The following CNTNAP4 variants were observed in gnomAD, a reference collection of about 807,000 sequenced individuals.
CNTNAP4 encodes the protein contactin-associated protein-like 4.
A neutral mutation model predicts 148.4 loss-of-function variants in CNTNAP4; 98 were observed. The ratio of observed to expected loss-of-function variants is 0.66; its 90% CI spans 0.56 to 0.78. The LOEUF is 0.78. CNTNAP4 is among the 30% of genes least tolerant of loss of function. CNTNAP4 has a pLI of 0.00. For synonymous variants in CNTNAP4, 730 were observed against 565.1 expected (o/e 1.29, Z -4.14); for missense variants, 1,935 against 1,565.6 (o/e 1.24, Z -3.98).
chr16:76,302,239 A>G (rs1285751490), intron 1 of CNTNAP4, among the ~76,000 whole-genome samples: 2 of 152,198 alleles, frequency 1.3e-5, no homozygotes, highest in Admixed American at 1.3e-4. Context: ...AAGCAGGGCA[A>G]GTAGATCTGA....
chr16:76,316,428 C>G lies in CNTNAP4; in HGVS notation c.101C>G (p.Pro34Arg), dbSNP rs750448598. The change falls in exon 2 of 24, where the codon CCT (proline) becomes CGT (arginine). Residue 34 changes from proline (P) to arginine (R), a missense_variant. Coordinates refer to ENST00000611870, the MANE Select transcript of CNTNAP4 (RefSeq NM_033401.5). ...EAGNSYDCDD[P>R]LVSALPQASF... ...CTCCTGGCAGATGACTGTGATGATC[C>G]TCTTGTGTCTGCCTTGCCTCAGGCA... 4.3e-6 allele frequency: 7 copies of G among 1,613,388 alleles called. No individual in the cohort carries two copies. Among genetic ancestry groups the G allele is most frequent in the Admixed American group, 1.7e-5 (1 of 59,978 alleles).
At chr16:76,528,680 T>A (rs1355746069) in intron 17 of CNTNAP4, among the ~76,000 whole-genome samples, 3 of 152,224 alleles carry the variant, frequency 2.0e-5, no homozygotes, top group Non-Finnish European at 2.9e-5. Context: ...AAGCCGGTCA[T>A]AAAGTGTGTT....
chr16:76,482,280 T>C (rs562133832), intron 12 of CNTNAP4, among the ~76,000 whole-genome samples: 149 of 152,272 alleles, frequency 9.8e-4, no homozygotes, highest in African/African-American at 3.5e-3. Context: ...TGTTAGATTT[T>C]TCTCTTTGCA....
chr16:76,359,298 A>G (rs1445075522), intron 3 of CNTNAP4, among the ~76,000 whole-genome samples: 1 of 152,230 alleles, frequency 6.6e-6, no homozygotes, highest in Non-Finnish European at 1.5e-5. Context: ...TAAGTCTACG[A>G]AAGAGAGTTA....
chr16:76,449,856 A>G lies in CNTNAP4; in HGVS notation c.1069A>G (p.Met357Val). Residue 357 changes from methionine (M) to valine (V), a missense_variant and splice_region_variant, in exon 7 of 24, where the codon ATG becomes GTG. Coordinates refer to ENST00000611870, the MANE Select transcript of CNTNAP4 (RefSeq NM_033401.5). ...GCAGCAAAAACCACAGATCATTGCT[A>G]TGGTGAGAGTCTTTATGCGAAGACA... is the stretch of plus-strand genomic sequence containing the variant. ...AKQQKPQIIA[M>V]GNVSFSCSQP... is the part of the protein sequence containing the mutation. 2 of 1,605,198 alleles carry G rather than the reference A, an allele frequency of 1.2e-6. No homozygotes were observed. Among genetic ancestry groups the G allele is most frequent in the South Asian group, 2.3e-5 (2 of 88,584 alleles).
chr16:76,480,781 G>A (rs941788932), intron 12 of CNTNAP4, among the ~76,000 whole-genome samples: 1 of 152,132 alleles, frequency 6.6e-6, no homozygotes, highest in African/African-American at 2.4e-5. Flanking sequence ...ACTCAATATT[G>A]TATAATATCA....
chr16:76,371,637 G>T (rs998708875), intron 3 of CNTNAP4, among the ~76,000 whole-genome samples: 1 of 152,164 alleles, frequency 6.6e-6, no homozygotes, highest in African/African-American at 2.4e-5. Context: ...GCAAAGGAAA[G>T]CACATTACTA....
At chr16:76,500,130 G>T (rs2082569591) in intron 15 of CNTNAP4, among the ~76,000 whole-genome samples, 1 of 152,144 alleles carries the variant, frequency 6.6e-6, no homozygotes, top group Non-Finnish European at 1.5e-5. Flanking sequence ...CCCAGACGGG[G>T]CGGCTGGGCA....
At chr16:76,513,902 A>G (rs190014895) in intron 15 of CNTNAP4, among the ~76,000 whole-genome samples, 2 of 152,296 alleles carry the variant, frequency 1.3e-5, no homozygotes, top group Admixed American at 6.5e-5. Flanking sequence ...GCACTTAATT[A>G]TTTTGTGTTG....
intron 3 of CNTNAP4, among the ~76,000 whole-genome samples, chr16:76,378,957 C>G (rs1042226603): frequency 1.3e-5 from 2 of 152,180 alleles, no homozygotes; most frequent in Admixed American, 1.3e-4. Flanking sequence ...ACTTCTACAA[C>G]TCACTTGATT....
intron 8 of CNTNAP4, among the ~76,000 whole-genome samples, chr16:76,458,440 A>G (rs1288285882): frequency 1.3e-5 from 2 of 152,162 alleles, no homozygotes; most frequent in Admixed American, 1.3e-4. Context: ...TGAAATAATT[A>G]TACAACTCAT....
chr16:76,525,527 A>C (rs1188980874), intron 17 of CNTNAP4, among the ~76,000 whole-genome samples: 1 of 147,660 alleles, frequency 6.8e-6, no homozygotes, highest in Non-Finnish European at 1.5e-5. Flanking sequence ...ACATAGTTAT[A>C]TATTTCAGTG....
At chr16:76,540,446 A>G (rs1420574625) in intron 20 of CNTNAP4, among the ~76,000 whole-genome samples, 1 of 151,982 alleles carries the variant, frequency 6.6e-6, no homozygotes, top group African/African-American at 2.4e-5. Context: ...ACAAGGGGAT[A>G]GAAGGTAGGG....
chr16:76,353,093 A>T (rs2012055663), intron 2 of CNTNAP4, among the ~76,000 whole-genome samples: 2 of 152,196 alleles, frequency 1.3e-5, no homozygotes, highest in African/African-American at 4.8e-5. Flanking sequence ...AATACAGAGA[A>T]AATTAAAAGT....
chr16:76,319,356 A>C (rs1422825307), intron 2 of CNTNAP4, among the ~76,000 whole-genome samples: 1 of 151,828 alleles, frequency 6.6e-6, no homozygotes, highest in Non-Finnish European at 1.5e-5. Flanking sequence ...GTGCTGTTGC[A>C]CTCCAGGGTG....
intron 2 of CNTNAP4, among the ~76,000 whole-genome samples, chr16:76,347,239 G>T (rs79399173): frequency 6.6e-6 from 1 of 152,084 alleles, no homozygotes; most frequent in East Asian, 1.9e-4. Flanking sequence ...ACAGTATTCT[G>T]TGCCTTCAGT....
chr16:76,374,726 A>G (rs1418811037), intron 3 of CNTNAP4, among the ~76,000 whole-genome samples: 1 of 148,660 alleles, frequency 6.7e-6, no homozygotes, highest in Non-Finnish European at 1.5e-5. Context: ...AATAAAGTAT[A>G]TACTTGACTA....
intron 4 of CNTNAP4, among the ~76,000 whole-genome samples, chr16:76,428,369 C>T (rs1181094866): frequency 6.6e-6 from 1 of 151,172 alleles, no homozygotes; most frequent in Admixed American, 6.6e-5. Flanking sequence ...CAGAGCCTCA[C>T]ATATGAAATA....
chr16:76,471,443 G>A (rs991441149), intron 10 of CNTNAP4, among the ~76,000 whole-genome samples: 14 of 152,152 alleles, frequency 9.2e-5, no homozygotes, highest in African/African-American at 2.7e-4. Context: ...GAGTGACAAC[G>A]TCAACCTTGT....
Sources: allele counts gnomAD v4.1 joint callset (sites outside exome capture counted in the v4.1 genomes callset), GRCh38; gene constraint gnomAD v4.1.1; transcripts MANE v1.5; gene names NCBI Gene and HGNC (gene_info 2026-07-23, HGNC 2026-07-21).